Variants in ATIC observed in about 807,000 individuals in gnomAD.
ATIC encodes bifunctional purine biosynthesis protein ATIC.
ATIC carries 64 observed loss-of-function variants against 72.5 expected under a neutral mutation model. The ratio of observed to expected loss-of-function variants is 0.88; its 90% CI spans 0.72 to 1.09. The LOEUF is 1.09. Ranked by LOEUF, ATIC falls within the 50% of genes least tolerant of loss-of-function variation. The pLI, the probability that ATIC is intolerant of heterozygous loss-of-function variation, is 0.00. For synonymous variants in ATIC, 281 were observed against 267.1 expected, an observed-to-expected ratio of 1.05 and a Z score of -0.51; for missense variants, 787 against 732.4, an observed-to-expected ratio of 1.07 and a Z score of -0.86.
the ATIC span, chr2:215,367,646 T>C: frequency 5.1e-6 from 3 of 585,412 alleles, no homozygotes. Flanking sequence ...ATAGTTGTAT[T>C]GGCATACAAC....
intron 9 of ATIC, among the ~76,000 whole-genome samples, chr2:215,334,176 A>G (rs1187370897): frequency 1.3e-5 from 2 of 150,934 alleles, no homozygotes; most frequent in African/African-American, 4.9e-5. Context: ...AATTGAAATT[A>G]CAAAAAGCTA....
intron 7 of ATIC, among the ~76,000 whole-genome samples, chr2:215,330,989 G>A (rs574430593): frequency 6.6e-6 from 1 of 152,220 alleles, no homozygotes; most frequent in South Asian, 2.1e-4. Flanking sequence ...TCTTAATGCT[G>A]AATAATATTT....
intron 4 of ATIC, 88 bp downstream of exon 4, chr2:215,319,819 C>G (rs939052047): frequency 4.9e-5 from 54 of 1,111,914 alleles, no homozygotes; most frequent in Non-Finnish European, 6.8e-5. Flanking sequence ...TTCTTACTCA[C>G]TATAAACCTT....
chr2:215,344,683 C>A, intron 12 of ATIC, 96 bp from the exon 13 acceptor site: 2 of 1,257,548 alleles, frequency 1.6e-6, no homozygotes, highest in Non-Finnish European at 2.2e-6. Flanking sequence ...GACTCTGACT[C>A]AAAAAAACCA....
Position 215,333,432 on chromosome 2 carries a change from C to G in ATIC, c.897C>G (p.Ile299Met). Reference sequence around the variant, plus strand: ...ATCTCTATAAAACCCTCACACCCATCTCAGCGGCATATGCAAGAGCAAGAG... The same window carrying G: ...ATCTCTATAAAACCCTCACACCCATGTCAGCGGCATATGCAAGAGCAAGAG... ...VYDLYKTLTP[I>M]SAAYARARGA... Residue 299 changes from isoleucine to methionine, a missense_variant, in exon 9 of 16, where the codon ATC (isoleucine) becomes ATG (methionine). By Grantham distance (10) the Ile-to-Met change is conservative. Coordinates refer to ENST00000236959, the MANE Select transcript of ATIC (RefSeq NM_004044.7). 6.2e-7 allele frequency: 1 copy of G among 1,614,088 alleles called. No individual in the cohort carries two copies. The highest frequency in any genetic ancestry group is 8.5e-7 in the Non-Finnish European group (1 of 1,179,996).
At chr2:215,354,122 G>T (rs1420602143), downstream of ATIC, among the ~76,000 whole-genome samples, 1 of 151,990 alleles carries the variant, frequency 6.6e-6, no homozygotes, top group African/African-American at 2.4e-5. Context: ...CTGCCTCCAT[G>T]GTTCAAGCGA....
At chr2:215,365,078 T>C in the ATIC span, 1 of 808,074 alleles carries the variant, frequency 1.2e-6, no homozygotes, top group Non-Finnish European at 2.1e-6. Context: ...CCTAAATTTG[T>C]ATCATCACAG....
At chr2:215,356,374 T>C in the ATIC span, among the ~76,000 whole-genome samples, 7 of 152,238 alleles carry the variant, frequency 4.6e-5, no homozygotes, top group African/African-American at 9.6e-5. Context: ...TCAGCCTTCA[T>C]CTACTCTTAC....
chr2:215,334,282 C>T (rs934418133), intron 9 of ATIC, among the ~76,000 whole-genome samples: 1 of 149,644 alleles, frequency 6.7e-6, no homozygotes, highest in African/African-American at 2.5e-5. Context: ...CAACCTCCAC[C>T]TCCTGGGTTC....
intron 7 of ATIC, among the ~76,000 whole-genome samples, chr2:215,331,197 A>C (rs542654021): frequency 2.6e-5 from 4 of 152,190 alleles, no homozygotes; most frequent in Admixed American, 2.6e-4. Flanking sequence ...CTCCCCAGTA[A>C]GCTCCATAAG....
chr2:215,364,167 A>G, the ATIC span, among the ~76,000 whole-genome samples: 1 of 152,212 alleles, frequency 6.6e-6, no homozygotes, highest in African/African-American at 2.4e-5. Context: ...ATCTTCAACT[A>G]TATCATTAAG....
downstream of ATIC, among the ~76,000 whole-genome samples, chr2:215,353,957 G>A (rs1029092180): frequency 2.6e-5 from 4 of 152,144 alleles, no homozygotes; most frequent in Non-Finnish European, 4.4e-5. Flanking sequence ...TGAAAACACT[G>A]TTTGGTTTTT....
At chr2:215,334,825 G>T in intron 9 of ATIC, 94 bp from the exon 10 acceptor site, 1 of 981,980 alleles carries the variant, frequency 1.0e-6, no homozygotes, top group Non-Finnish European at 1.6e-6. Context: ...ATTAGCTTTA[G>T]AGTAATGAAT....
downstream of ATIC, among the ~76,000 whole-genome samples, chr2:215,354,118 C>G (rs1266570859): frequency 6.6e-6 from 1 of 152,060 alleles, no homozygotes; most frequent in African/African-American, 2.4e-5. Context: ...GCCTCTGCCT[C>G]CATGGTTCAA....
chr2:215,349,841 A>G, downstream of ATIC: 1 of 1,086,324 alleles, frequency 9.2e-7, no homozygotes, highest in Non-Finnish European at 1.3e-6. Flanking sequence ...TAACACATAA[A>G]TGAGGAATTC....
At chr2:215,353,089 G>GC (rs1244841590), downstream of ATIC, among the ~76,000 whole-genome samples, 5 of 152,082 alleles carry the variant, frequency 3.3e-5, no homozygotes, top group Non-Finnish European at 5.9e-5. Context: ...TATATTTGAG[G>GC]TTAAAAACAC....
chr2:215,367,770 T>G, the ATIC span: 6 of 1,233,518 alleles, frequency 4.9e-6, no homozygotes, highest in Non-Finnish European at 7.1e-6. Context: ...TGGAAGAACC[T>G]GTGTCTTCCA....
At chr2:215,352,991 G>T (rs2106054913), downstream of ATIC, among the ~76,000 whole-genome samples, 1 of 152,172 alleles carries the variant, frequency 6.6e-6, no homozygotes. Flanking sequence ...TTGATTTGTT[G>T]AGAATTTAGA....
rs146882973 is a variant in ATIC, at chr2:215,349,623, G to A, written c.1747G>A (p.Ala583Thr). The change falls in exon 16 of 16, where the codon GCT becomes ACT. Residue 583 changes from alanine to threonine, a missense_variant. Physicochemically the swap from Ala to Thr is moderately conservative, Grantham distance 58 (BLOSUM62 0). Coordinates refer to ENST00000236959, the MANE Select transcript of ATIC (RefSeq NM_004044.7). ...EACDELGIIL[A>T]HTNLRLFHH ...CTGCGACGAACTGGGAATCATCCTC[G>A]CTCATACGAACCTTCGGCTCTTCCA... is the stretch of plus-strand genomic sequence containing the variant. 4.3e-5 allele frequency: 70 copies of A among 1,613,978 alleles called. No individual in the cohort carries two copies. The Middle Eastern group carries it at 6.6e-4, about 15-fold the overall frequency.
Sources: gnomAD v4.1 joint callset for allele counts (sites outside exome capture counted in the v4.1 genomes callset) on GRCh38, gnomAD v4.1.1 for gene constraint, MANE v1.5 for transcripts, NCBI Gene and HGNC (gene_info 2026-07-23, HGNC 2026-07-21) for gene names.